HTR1F: variants seen among roughly 807,000 people sequenced by gnomAD.
HTR1F encodes the protein 5-hydroxytryptamine receptor 1F.
Under a neutral mutation model 24.0 loss-of-function variants are expected in HTR1F, and 17 were observed. The observed-to-expected ratio is 0.71, with a 90% CI of 0.48 to 1.06. The LOEUF is 1.06. Among genes scored for constraint, HTR1F ranks in the 50% least tolerant of loss-of-function variants. The probability of loss-of-function intolerance (pLI) is 0.00; values close to 1 mark genes in which losing one functional copy is unlikely to be tolerated. For missense variants in HTR1F, 391 were observed against 427.8 expected, an observed-to-expected ratio of 0.91 and a Z score of 0.76; for synonymous variants, 186 against 156.8, an observed-to-expected ratio of 1.19 and a Z score of -1.39.
intron 2 of HTR1F, among the ~76,000 whole-genome samples, chr3:87,897,218 C>CAT (rs898152413): frequency 6.5e-5 from 9 of 138,456 alleles, no homozygotes; most frequent in African/African-American, 1.2e-4. Flanking sequence ...AATATATAAA[C>CAT]ATATATATAT....
chr3:87,816,664 C>T (rs1363563366), intron 1 of HTR1F, among the ~76,000 whole-genome samples: 1 of 152,030 alleles, frequency 6.6e-6, no homozygotes, highest in Non-Finnish European at 1.5e-5. Context: ...ATTGAATTTA[C>T]TATATGTACG....
intron 2 of HTR1F, among the ~76,000 whole-genome samples, chr3:87,833,382 T>TA (rs1036099557): frequency 4.6e-5 from 7 of 152,126 alleles, no homozygotes; most frequent in African/African-American, 9.7e-5. Context: ...TCTACTTGTT[T>TA]AAAAAAATGC....
chr3:87,816,038 T>C (rs1165991232), intron 1 of HTR1F, among the ~76,000 whole-genome samples: 2 of 152,090 alleles, frequency 1.3e-5, no homozygotes, highest in Non-Finnish European at 2.9e-5. Context: ...GAAGTGAACC[T>C]TGAGCAAATT....
chr3:87,969,022 G>C (rs1365652670), intron 2 of HTR1F, among the ~76,000 whole-genome samples: 3 of 152,080 alleles, frequency 2.0e-5, no homozygotes, highest in Non-Finnish European at 2.9e-5. Context: ...TATTGAGTCT[G>C]CAAGTGCACA....
intron 2 of HTR1F, among the ~76,000 whole-genome samples, chr3:87,836,727 A>C (rs1027032911): frequency 2.0e-5 from 3 of 152,142 alleles, no homozygotes; most frequent in Non-Finnish European, 2.9e-5. Context: ...AAAGTTTTAA[A>C]ATATATGTAT....
intron 2 of HTR1F, among the ~76,000 whole-genome samples, chr3:87,944,675 T>C (rs1196788165): frequency 6.6e-6 from 1 of 152,236 alleles, no homozygotes; most frequent in Non-Finnish European, 1.5e-5. Flanking sequence ...GATTTTTGAG[T>C]TAGTAAGCTA....
intron 2 of HTR1F, among the ~76,000 whole-genome samples, chr3:87,903,629 G>C (rs1248936108): frequency 5.3e-5 from 8 of 151,246 alleles, no homozygotes; most frequent in Non-Finnish European, 1.0e-4. Flanking sequence ...GAAACAACAG[G>C]TGCTGGAGAG....
Position 87,898,872 on chromosome 3 carries a change from G to C in HTR1F, c.-43+76748G>C, listed in dbSNP as rs147859556. Among the ~76,000 whole-genome samples, 19 of 152,212 alleles carry C rather than the reference G, an allele frequency of 1.2e-4. No homozygotes were observed. In the East Asian group the frequency reaches 3.3e-3, roughly 26 times the overall value. ...AAAAGTAAATGTTTGGATATTGAAA[G>C]TGTTATACAAGTTATTTCTGAGGCA... On this transcript the variant is annotated intron_variant, in intron 2 of 2. Transcript: ENST00000319595.
In HTR1F at chr3:87,884,045, G is replaced by T. The variant is rs184863164; in HGVS notation, c.-43+61921G>T. On this transcript the variant is annotated intron_variant, in intron 2 of 2. Transcript: ENST00000319595. ...GCTACCCCAAGACACATAATTTTCAGATTCACCAAGGTTGAAATGAAGGAA... is the reference window on the plus strand; with the variant it reads ...GCTACCCCAAGACACATAATTTTCATATTCACCAAGGTTGAAATGAAGGAA... Among the ~76,000 whole-genome samples the T allele has an allele frequency of 4.0e-3, 613 of 152,248 alleles. 3 individuals are homozygous for T. The highest frequency in any genetic ancestry group is 5.4e-3 in the Non-Finnish European group (370 of 68,022).
intron 2 of HTR1F, among the ~76,000 whole-genome samples, chr3:87,965,666 A>G (rs979136504): frequency 6.6e-6 from 1 of 152,196 alleles, no homozygotes; most frequent in Non-Finnish European, 1.5e-5. Flanking sequence ...ATTTGGAACA[A>G]CTTTTGCAAG....
chr3:87,824,345 C>T (rs756569559), intron 2 of HTR1F, among the ~76,000 whole-genome samples: 9 of 152,062 alleles, frequency 5.9e-5, no homozygotes, highest in Non-Finnish European at 1.0e-4. Context: ...AATACATATC[C>T]CTAATGATGC....
intron 1 of HTR1F, among the ~76,000 whole-genome samples, chr3:87,798,313 T>G (rs1039123651): frequency 1.3e-5 from 2 of 152,054 alleles, no homozygotes; most frequent in South Asian, 4.1e-4. Context: ...CTCCTCTGCT[T>G]CCCTCTAGGC....
intron 2 of HTR1F, among the ~76,000 whole-genome samples, chr3:87,985,853 C>T (rs1362814079): frequency 6.6e-6 from 1 of 152,154 alleles, no homozygotes; most frequent in Admixed American, 6.5e-5. Context: ...CAAACAAACA[C>T]CTGAATATAA....
chr3:87,942,999 TCTTCCTTGCC>T (rs1704607666), intron 2 of HTR1F, among the ~76,000 whole-genome samples: 1 of 152,218 alleles, frequency 6.6e-6, no homozygotes, highest in African/African-American at 2.4e-5. Flanking sequence ...AGTAGGATTT[TCTTCCTTGCC>T]CTGTGTTATA....
intron 2 of HTR1F, among the ~76,000 whole-genome samples, chr3:87,936,289 G>C (rs940358400): frequency 2.6e-5 from 4 of 152,170 alleles, no homozygotes; most frequent in African/African-American, 9.7e-5. Context: ...CTAAAATTAA[G>C]TCTTTGTCTT....
intron 1 of HTR1F, among the ~76,000 whole-genome samples, chr3:87,815,046 T>C (rs1704225094): frequency 6.6e-6 from 1 of 152,086 alleles, no homozygotes; most frequent in South Asian, 2.1e-4. Context: ...TTTTGTAGCC[T>C]CTATGGTTCA....
chr3:87,987,289 T>C (rs1481328451), intron 2 of HTR1F, among the ~76,000 whole-genome samples: 1 of 152,074 alleles, frequency 6.6e-6, no homozygotes, highest in East Asian at 1.9e-4. Flanking sequence ...ATTTACCATG[T>C]TACTAATACA....
intron 2 of HTR1F, among the ~76,000 whole-genome samples, chr3:87,914,601 A>G (rs1703851682): frequency 6.6e-6 from 1 of 151,800 alleles, no homozygotes; most frequent in Non-Finnish European, 1.5e-5. Context: ...AACCTGCATG[A>G]CTCAGCAGAG....
intron 2 of HTR1F, among the ~76,000 whole-genome samples, chr3:87,898,653 T>A (rs1706253782): frequency 6.6e-6 from 1 of 152,124 alleles, no homozygotes; most frequent in Non-Finnish European, 1.5e-5. Flanking sequence ...TATACTAGGC[T>A]AGCAGATATA....
Sources: allele counts gnomAD v4.1 joint callset (sites outside exome capture counted in the v4.1 genomes callset), GRCh38; gene constraint gnomAD v4.1.1; transcripts MANE v1.5; gene names NCBI Gene and HGNC (gene_info 2026-07-23, HGNC 2026-07-21).